The following KAT2B variants were observed in gnomAD, a reference collection of about 807,000 sequenced individuals.
KAT2B encodes lysine acetyltransferase 2B.
A neutral mutation model predicts 105.9 loss-of-function variants in KAT2B; 36 were observed. The observed-to-expected ratio is 0.34, with a 90% confidence interval of 0.26 to 0.45. The LOEUF (loss-of-function observed/expected upper bound fraction) is 0.45. KAT2B is among the 20% of genes least tolerant of loss of function. The pLI is 1.00. For missense variants in KAT2B, 820 were observed against 1,021.6 expected (o/e 0.80, Z 2.69); for synonymous variants, 397 against 377.9 (o/e 1.05, Z -0.59).
At chr3:20,116,263 A>G (rs1005526341) in intron 7 of KAT2B, among the ~76,000 whole-genome samples, 7 of 152,134 alleles carry the variant, frequency 4.6e-5, no homozygotes, top group Non-Finnish European at 7.4e-5. Flanking sequence ...TACCTGTGCT[A>G]TTCACTTTAC....
intron 2 of KAT2B, among the ~76,000 whole-genome samples, chr3:20,079,025 A>G (rs1415584718): frequency 1.3e-5 from 2 of 151,028 alleles, no homozygotes; most frequent in Non-Finnish European, 2.9e-5. Flanking sequence ...CTGGGATTAC[A>G]GGCTTATACC....
intron 1 of KAT2B, among the ~76,000 whole-genome samples, chr3:20,049,975 G>A (rs537056403): frequency 1.2e-4 from 18 of 152,256 alleles, no homozygotes; most frequent in African/African-American, 2.2e-4. Context: ...TGAGGCAGGC[G>A]GATCGCTTGA....
chr3:20,124,992 C>G lies in KAT2B; in HGVS notation c.1414-913C>G, dbSNP rs116306076. 2.0e-3 allele frequency among the ~76,000 whole-genome samples: 301 copies of G among 152,226 alleles called. 1 individual carries two copies. Among genetic ancestry groups the G allele is most frequent in the African/African-American group, 7.0e-3 (291 of 41,536 alleles). ...TTGAGTGTAGGTCAACAGATATTCTCTGGAAAGAAAACTGTTCTTTAAAAA... is the reference window on the plus strand; with the variant it reads ...TTGAGTGTAGGTCAACAGATATTCTGTGGAAAGAAAACTGTTCTTTAAAAA... On this transcript the variant is annotated intron_variant, in intron 9 of 17. Transcript: ENST00000263754.
chr3:20,061,370 C>A (rs970725178), intron 1 of KAT2B, among the ~76,000 whole-genome samples: 3 of 152,052 alleles, frequency 2.0e-5, no homozygotes, highest in African/African-American at 7.3e-5. Context: ...CTTATTTATT[C>A]ATCTCTTAAG....
chr3:20,072,045 C>A (rs1335028114), intron 1 of KAT2B, among the ~76,000 whole-genome samples: 1 of 152,132 alleles, frequency 6.6e-6, no homozygotes, highest in East Asian at 1.9e-4. Context: ...GAACTCACCA[C>A]TTCATGGACA....
At chr3:20,100,979 TTTC>T (rs1698899980) in intron 4 of KAT2B, 2 of 352,254 alleles carry the variant, frequency 5.7e-6, no homozygotes, top group African/African-American at 4.2e-5. Flanking sequence ...ACAGTCATAT[TTTC>T]TTGTTTCAGG....
chr3:20,096,209 T>G lies in KAT2B; in HGVS notation c.576+801T>G, dbSNP rs184686386. On this transcript the variant is annotated intron_variant, in intron 3 of 17. Transcript: ENST00000263754. ...CATATTCCAAATTTATTTTGGTAAC[T>G]TAGCCACTGTTACCTGTTTCTCACT... 3.9e-5 allele frequency among the ~76,000 whole-genome samples: 6 copies of G among 152,294 alleles called. No individual in the cohort carries two copies. In the East Asian group the frequency reaches 9.7e-4, roughly 25 times the overall value.
chr3:20,044,963 G>A (rs529980957), intron 1 of KAT2B, among the ~76,000 whole-genome samples: 1 of 152,178 alleles, frequency 6.6e-6, no homozygotes, highest in Non-Finnish European at 1.5e-5. Flanking sequence ...GTAGAGATTT[G>A]TCATATAGGA....
intron 12 of KAT2B, 32 bp downstream of exon 12, chr3:20,137,084 C>A: frequency 9.6e-7 from 1 of 1,047,094 alleles, no homozygotes; most frequent in South Asian, 1.3e-5. Flanking sequence ...ACTGTTTTGT[C>A]ACTCCTTTTC....
At chr3:20,134,152 T>A (rs1456052770) in intron 11 of KAT2B, among the ~76,000 whole-genome samples, 2 of 152,222 alleles carry the variant, frequency 1.3e-5, no homozygotes, top group East Asian at 3.8e-4. Context: ...CTTTTGCATT[T>A]TATTTTTTCT....
In KAT2B at chr3:20,062,265, T is replaced by TATAATATAG. The variant is rs1415142852; in HGVS notation, c.304-10067_304-10066insTAATATAGA. On this transcript the variant is annotated intron_variant, in intron 1 of 17. Coordinates refer to ENST00000263754, the MANE Select transcript of KAT2B (RefSeq NM_003884.5). ...TATATAATATATAAAATATGATATATAATATATAATATATAAAATATAATA... is the reference window on the plus strand; with the variant it reads ...TATATAATATATAAAATATGATATATATAATATAGAATATATAATATATAAAATATAATA... Among the ~76,000 whole-genome samples, 4 of 48,006 alleles carry TATAATATAG rather than the reference T, an allele frequency of 8.3e-5. 1 individual carries two copies. Among genetic ancestry groups the TATAATATAG allele is most frequent in the Non-Finnish European group, 1.9e-4 (4 of 20,904 alleles). The allele number at this position is 48,006 out of a possible 152,430, so 31.5% of individuals were successfully genotyped here.
intron 13 of KAT2B, among the ~76,000 whole-genome samples, chr3:20,144,817 A>C (rs1468457544): frequency 6.7e-6 from 1 of 150,188 alleles, no homozygotes. Flanking sequence ...TTTTTTTAAG[A>C]GGAAGTCTCG....
At chr3:20,069,411 G>C (rs946422265) in intron 1 of KAT2B, among the ~76,000 whole-genome samples, 1 of 152,156 alleles carries the variant, frequency 6.6e-6, no homozygotes, top group Non-Finnish European at 1.5e-5. Flanking sequence ...TTGTCTCCAA[G>C]ATCAACTTCT....
chr3:20,119,583 C>A lies in KAT2B; in HGVS notation c.1151-15C>A, dbSNP rs1699270377. The A allele has an allele frequency of 6.2e-7, 1 of 1,613,738 alleles. No homozygotes were observed. ...GTCAGTCATCTAACACCTTCTTCTC[C>A]TTTTGCCGGGGCAGTTATCAATCCA... On this transcript the variant is annotated splice_polypyrimidine_tract_variant and intron_variant, in intron 7 of 17. Transcript: ENST00000263754.
Position 20,099,916 on chromosome 3 carries a change from GA to G in KAT2B, c.635del (p.Lys212ArgfsTer14). The G allele has an allele frequency of 6.2e-7, 1 of 1,608,680 alleles. No individual in the cohort carries two copies. Among genetic ancestry groups the G allele is most frequent in the Non-Finnish European group, 8.5e-7 (1 of 1,175,512 alleles). On this transcript the variant is annotated frameshift_variant, in exon 4 of 18. Coordinates refer to ENST00000263754, the MANE Select transcript of KAT2B (RefSeq NM_003884.5). LOFTEE classifies it high-confidence loss of function. Reference protein sequence around the residue: ...RGKPVVEGSLEKKPPFEKPSI... With the variant: ...RGKPVVEGSLXKKPPFEKPSI... ...AAAACCTGTGGTTGAAGGCTCTTTG[GA>G]AAAGAAACCCCCATTTGAAAAACCT...
At chr3:20,088,511 A>AT (rs1427961584) in intron 2 of KAT2B, among the ~76,000 whole-genome samples, 3 of 152,110 alleles carry the variant, frequency 2.0e-5, no homozygotes, top group Non-Finnish European at 4.4e-5. Context: ...GATGTTGAAC[A>AT]TTTTTCCATA....
chr3:20,118,746 A>AAG lies in KAT2B; in HGVS notation c.1151-843_1151-842dup, dbSNP rs1188214455. ...TGTCTCAAAAAAAAAAAAAAAAAAA[A>AAG]AGAGAGAGAGCGAACTATATATATA... is the stretch of plus-strand genomic sequence containing the variant. On this transcript the variant is annotated intron_variant, in intron 7 of 17. Coordinates refer to ENST00000263754, the MANE Select transcript of KAT2B (RefSeq NM_003884.5). Among the ~76,000 whole-genome samples, 70 of 85,376 alleles carry AAG rather than the reference A, an allele frequency of 8.2e-4. 1 individual carries two copies. The highest frequency in any genetic ancestry group is 2.8e-3 in the African/African-American group (64 of 22,810). The allele number at this position is 85,376 out of a possible 152,430, so 56.0% of individuals were successfully genotyped here. A position where few individuals can be genotyped will look rare whatever the true frequency, so the allele number is the denominator to read the frequency against.
intron 11 of KAT2B, among the ~76,000 whole-genome samples, chr3:20,130,881 G>GTGTGTTTT (rs1699498218): frequency 6.6e-6 from 1 of 151,532 alleles, no homozygotes; most frequent in Non-Finnish European, 1.5e-5. Context: ...GCGTGCATGT[G>GTGTGTTTT]TGTGTTTTTT....
chr3:20,130,854 A>AGTGTGT (rs60944875), intron 11 of KAT2B, among the ~76,000 whole-genome samples: 50 of 150,450 alleles, frequency 3.3e-4, no homozygotes, highest in Admixed American at 9.3e-4. Context: ...GGATGAGTTT[A>AGTGTGT]GTGTGTGTGT....
Sources: gnomAD v4.1 joint callset for allele counts (sites outside exome capture counted in the v4.1 genomes callset) on GRCh38, gnomAD v4.1.1 for gene constraint, MANE v1.5 for transcripts, NCBI Gene and HGNC (gene_info 2026-07-23, HGNC 2026-07-21) for gene names.